The following SPINK14 variants were observed in gnomAD, a reference collection of about 807,000 sequenced individuals.
SPINK14 encodes serine protease inhibitor Kazal-type 14.
In SPINK14, 6 loss-of-function variants were observed where a neutral mutation model predicts 14.2. That is an observed-to-expected ratio of 0.42 (90% confidence interval 0.23 to 0.83). The LOEUF is 0.83. Ranked by LOEUF, SPINK14 falls within the 40% of genes least tolerant of loss-of-function variation. The pLI, the probability that SPINK14 is intolerant of heterozygous loss-of-function variation, is 0.28. For synonymous variants in SPINK14, 34 were observed against 36.8 expected (o/e 0.92, Z 0.27); for missense variants, 86 against 108.3 (o/e 0.79, Z 0.91).
chr5:148,168,567 G>A lies in SPINK14; in HGVS notation c.-73G>A, dbSNP rs1755060617. 6.6e-6 allele frequency among the ~76,000 whole-genome samples: 1 copy of A among 152,074 alleles called. No individual in the cohort carries two copies. Among genetic ancestry groups the A allele is most frequent in the Non-Finnish European group, 1.5e-5 (1 of 68,016 alleles). ...CCTCTTCCTTTTCTCTTCTTTCTGA[G>A]GTGGGTCAGCTGTGACATGAGGGAT... On this transcript the variant is annotated splice_region_variant and 5_prime_UTR_variant, in exon 1 of 5. It adds an upstream start codon to the 5' untranslated region. Coordinates refer to ENST00000356972, the MANE Select transcript of SPINK14 (RefSeq NM_001001325.2).
intron 2 of SPINK14, 106 bp from the exon 3 acceptor site, chr5:148,170,824 C>A (rs747745683): frequency 1.1e-4 from 106 of 966,010 alleles, no homozygotes; most frequent in Non-Finnish European, 1.7e-4. Context: ...TTTTCCATTG[C>A]TGAAAACTTC....
intron 2 of SPINK14, among the ~76,000 whole-genome samples, chr5:148,170,094 C>T (rs12187769): frequency 1.9e-5 from 2 of 103,836 alleles, no homozygotes; most frequent in Admixed American, 9.5e-5. Flanking sequence ...CATATATATA[C>T]ACACACATGT....
At chr5:148,173,399 C>T (rs1755132007) in intron 3 of SPINK14, among the ~76,000 whole-genome samples, 1 of 151,980 alleles carries the variant, frequency 6.6e-6, no homozygotes, top group Admixed American at 6.6e-5. Flanking sequence ...ATGTCCCTTC[C>T]TTTGTTTTCG....
intron 3 of SPINK14, among the ~76,000 whole-genome samples, chr5:148,172,499 A>G (rs1281486097): frequency 1.3e-5 from 2 of 152,158 alleles, no homozygotes; most frequent in Non-Finnish European, 2.9e-5. Context: ...TATCTCATTT[A>G]TTCATTTGGC....
intron 2 of SPINK14, among the ~76,000 whole-genome samples, chr5:148,170,126 TCA>T (rs1755083044): frequency 1.4e-5 from 2 of 145,450 alleles, no homozygotes; most frequent in African/African-American, 5.1e-5. Flanking sequence ...CTGAGTATAC[TCA>T]GAGTATATAT....
rs1197188819 is a variant in SPINK14 at position 148,170,979 on chromosome 5, G to A, written c.111+6G>A. The stretch of plus-strand genomic sequence containing the variant: ...CACCACGTGGAATTATTAAGGTAAT[G>A]TTCCATTAAATTTCCCCCCAGGACT... On this transcript the variant is annotated splice_donor_region_variant and intron_variant, in intron 3 of 4. Coordinates refer to ENST00000356972, the MANE Select transcript of SPINK14 (RefSeq NM_001001325.2). 1 of 1,611,564 alleles carries A rather than the reference G, an allele frequency of 6.2e-7. No individual in the cohort carries two copies. Among genetic ancestry groups the A allele is most frequent in the African/African-American group, 1.3e-5 (1 of 74,760 alleles).
intron 3 of SPINK14, among the ~76,000 whole-genome samples, chr5:148,171,608 A>G (rs1301331766): frequency 6.6e-6 from 1 of 152,132 alleles, no homozygotes; most frequent in Admixed American, 6.6e-5. Flanking sequence ...TTTGATTCAC[A>G]TTTGCATCAC....
chr5:148,173,369 G>C (rs1220336940), intron 3 of SPINK14, among the ~76,000 whole-genome samples: 1 of 152,046 alleles, frequency 6.6e-6, no homozygotes. Context: ...ACATCCCTGA[G>C]TCCGGGTCCC....
intron 4 of SPINK14, 59 bp from the exon 5 acceptor site, chr5:148,175,294 T>C: frequency 9.3e-7 from 1 of 1,074,868 alleles, no homozygotes; most frequent in South Asian, 1.4e-5. Context: ...TTTAAAAGTA[T>C]TTGTTTAGTT....
chr5:148,170,224 A>G (rs73795009), intron 2 of SPINK14, among the ~76,000 whole-genome samples: 5,781 of 150,918 alleles, frequency 0.038, 378 homozygotes, highest in African/African-American at 0.13. Flanking sequence ...AGAGAGAGAG[A>G]GTCTAAAAGA....
intron 3 of SPINK14, 121 bp from the exon 4 acceptor site, chr5:148,174,113 G>C: frequency 1.8e-6 from 1 of 549,168 alleles, no homozygotes; most frequent in Non-Finnish European, 2.9e-6. Flanking sequence ...CAAAATGTTG[G>C]AATGACAGGC....
intron 4 of SPINK14, 66 bp from the exon 5 acceptor site, chr5:148,175,287 A>T: frequency 3.9e-6 from 4 of 1,033,570 alleles, no homozygotes; most frequent in Non-Finnish European, 5.8e-6. Flanking sequence ...AGATAATTTT[A>T]AAAGTATTTG....
intron 2 of SPINK14, among the ~76,000 whole-genome samples, chr5:148,170,486 G>A (rs1179183967): frequency 6.6e-6 from 1 of 152,202 alleles, no homozygotes; most frequent in East Asian, 1.9e-4. Flanking sequence ...AAGAGGCCTA[G>A]CCTCAAGGGC....
intron 1 of SPINK14, among the ~76,000 whole-genome samples, chr5:148,168,817 C>G (rs1160192148): frequency 1.3e-5 from 2 of 152,146 alleles, no homozygotes; most frequent in African/African-American, 4.8e-5. Context: ...ACTCTGGCTA[C>G]ATTTTAATGT....
rs751336626 is a variant in SPINK14, at chr5:148,175,339, G to C, written c.249-14G>C. 10 of 1,549,804 alleles carry C rather than the reference G, an allele frequency of 6.5e-6. No individual in the cohort carries two copies. The highest frequency in any genetic ancestry group is 8.9e-6 in the Non-Finnish European group (10 of 1,128,450). On this transcript the variant is annotated splice_polypyrimidine_tract_variant and intron_variant, in intron 4 of 4. Transcript: ENST00000356972. ...TATTACTAAATGAAATGTTTATTCT[G>C]ATTCTTCCTTTAGGAAATCTCATGG... is the stretch of plus-strand genomic sequence containing the variant.
chr5:148,170,797 G>A (rs1755094573), intron 2 of SPINK14, 133 bp from the exon 3 acceptor site: 5 of 762,114 alleles, frequency 6.6e-6, no homozygotes, highest in Admixed American at 2.5e-5. Context: ...ATGAATACAT[G>A]TATAAATGAA....
chr5:148,172,445 C>T (rs1418485095), intron 3 of SPINK14, among the ~76,000 whole-genome samples: 1 of 152,116 alleles, frequency 6.6e-6, no homozygotes, highest in Non-Finnish European at 1.5e-5. Flanking sequence ...TGTTCTTACT[C>T]TTGTCTTTGA....
intron 4 of SPINK14, 74 bp from the exon 5 acceptor site, chr5:148,175,279 A>G: frequency 1.0e-6 from 1 of 977,200 alleles, no homozygotes; most frequent in Non-Finnish European, 1.6e-6. Flanking sequence ...TTTTAGATAG[A>G]TAATTTTAAA....
intron 2 of SPINK14, among the ~76,000 whole-genome samples, chr5:148,170,708 T>C (rs1009628947): frequency 2.6e-5 from 4 of 152,156 alleles, no homozygotes; most frequent in African/African-American, 9.6e-5. Flanking sequence ...CCAGCCTTTA[T>C]GAAACAGTGA....
Sources: allele counts gnomAD v4.1 joint callset (sites outside exome capture counted in the v4.1 genomes callset), GRCh38; gene constraint gnomAD v4.1.1; transcripts MANE v1.5; gene names NCBI Gene and HGNC (gene_info 2026-07-23, HGNC 2026-07-21).